Variants in PPL observed in about 807,000 individuals in gnomAD.
PPL encodes periplakin, also known as 190 kDa paraneoplastic pemphigus antigen.
Under a neutral mutation model 194.4 loss-of-function variants are expected in PPL, and 198 were observed. The observed-to-expected ratio is 1.02, with a 90% confidence interval of 0.91 to 1.15. PPL has a LOEUF of 1.15. Among genes scored for constraint, PPL ranks in the 50% most tolerant of loss-of-function variants. PPL has a pLI of 0.00. For synonymous variants in PPL, 1,220 were observed against 972.4 expected (o/e 1.25, Z -4.74); for missense variants, 2,885 against 2,294.8 (o/e 1.26, Z -5.25).
Position 4,894,479 on chromosome 16 carries a change from G to A in PPL, c.1382C>T (p.Ala461Val), listed in dbSNP as rs747457654. Residue 461 changes from alanine to valine, a missense_variant, in exon 12 of 22, where the codon GCT becomes GTT. Ala to Val is a moderately conservative substitution (Grantham distance 64). Coordinates refer to ENST00000345988, the MANE Select transcript of PPL (RefSeq NM_002705.5). ...TTTGCCCTTGTACCTGTCAGCCAGAGCCAGGGCCTCAGGGTCTGTGGGGGG... is the reference window on the plus strand; with the variant it reads ...TTTGCCCTTGTACCTGTCAGCCAGAACCAGGGCCTCAGGGTCTGTGGGGGG... ...VIPPTDPEAL[A>V]LADSLGSQYR... is the part of the protein sequence containing the mutation. 1.3e-5 allele frequency: 21 copies of A among 1,613,862 alleles called. No individual in the cohort carries two copies. The East Asian group carries it at 4.7e-4, about 36-fold the overall frequency.
chr16:4,935,170 C>T (rs1175184208), intron 1 of PPL, among the ~76,000 whole-genome samples: 1 of 152,198 alleles, frequency 6.6e-6, no homozygotes, highest in Non-Finnish European at 1.5e-5. Flanking sequence ...GTCCCTGCAG[C>T]TATAAAGGAT....
At chr16:4,926,893 C>CA (rs906386976) in intron 1 of PPL, among the ~76,000 whole-genome samples, 24 of 110,410 alleles carry the variant, frequency 2.2e-4, no homozygotes, top group South Asian at 5.4e-4. Context: ...AAAAAAAAAA[C>CA]AAAAAAAAAC....
intron 1 of PPL, among the ~76,000 whole-genome samples, chr16:4,916,197 AT>A (rs992237667): frequency 4.0e-5 from 6 of 151,866 alleles, no homozygotes; most frequent in African/African-American, 1.2e-4. Flanking sequence ...ACCCCTACGT[AT>A]TTTTTTTATT....
intron 20 of PPL, among the ~76,000 whole-genome samples, chr16:4,887,892 G>A (rs957571613): frequency 1.3e-5 from 2 of 152,182 alleles, no homozygotes; most frequent in African/African-American, 4.8e-5. Flanking sequence ...CACTGCGCCC[G>A]GCCTTGCTGT....
intron 1 of PPL, among the ~76,000 whole-genome samples, chr16:4,925,862 A>T (rs1391641949): frequency 1.3e-5 from 2 of 152,236 alleles, no homozygotes; most frequent in Admixed American, 6.5e-5. Context: ...CATCGGAGAG[A>T]CAGGATGATG....
intron 2 of PPL, among the ~76,000 whole-genome samples, chr16:4,905,662 G>C (rs960609549): frequency 6.6e-6 from 1 of 152,220 alleles, no homozygotes; most frequent in African/African-American, 2.4e-5. Context: ...ACACAGGGGT[G>C]ACGTGGTGCC....
At chr16:4,889,133 C>A (rs1954776632) in intron 18 of PPL, 72 bp from the exon 19 acceptor site, 12 of 1,161,776 alleles carry the variant, frequency 1.0e-5, no homozygotes, top group African/African-American at 1.5e-5. Context: ...GATGCAGTAG[C>A]TGGAAATCTC....
intron 1 of PPL, among the ~76,000 whole-genome samples, chr16:4,926,398 T>G (rs2089155155): frequency 1.3e-5 from 2 of 152,180 alleles, no homozygotes; most frequent in South Asian, 4.1e-4. Flanking sequence ...CCCAGAGATA[T>G]GAATTGTCCA....
At chr16:4,932,083 G>A (rs1406671898) in intron 1 of PPL, among the ~76,000 whole-genome samples, 2 of 152,190 alleles carry the variant, frequency 1.3e-5, no homozygotes, top group Non-Finnish European at 2.9e-5. Context: ...GAGTGGGGAG[G>A]CCTCATTTGC....
chr16:4,892,407 A>G (rs550877576), intron 14 of PPL, among the ~76,000 whole-genome samples, 194 bp from the exon 15 acceptor site: 1 of 152,268 alleles, frequency 6.6e-6, no homozygotes, highest in African/African-American at 2.4e-5. Context: ...ATCCCAGGGA[A>G]CCGCTGAGGT....
chr16:4,903,094 T>C (rs558324939), intron 3 of PPL, among the ~76,000 whole-genome samples: 1 of 152,324 alleles, frequency 6.6e-6, no homozygotes, highest in Admixed American at 6.5e-5. Flanking sequence ...TCTTGTTTTC[T>C]GGAGTCTGCC....
chr16:4,905,044 T>C (rs1162810195), intron 2 of PPL, among the ~76,000 whole-genome samples: 3 of 152,174 alleles, frequency 2.0e-5, no homozygotes, highest in Non-Finnish European at 4.4e-5. Context: ...GTCTACACCA[T>C]GCTAGGTCCT....
chr16:4,899,261 G>A lies in PPL; in HGVS notation c.730C>T (p.Arg244Cys), dbSNP rs142744864. 37 of 1,613,722 alleles carry A rather than the reference G, an allele frequency of 2.3e-5. No homozygotes were observed. The South Asian group carries it at 2.6e-4, about 11-fold the overall frequency. The change falls in exon 7 of 22, where the codon CGC becomes TGC. Residue 244 changes from arginine to cysteine, a missense_variant. Coordinates refer to ENST00000345988, the MANE Select transcript of PPL (RefSeq NM_002705.5). Reference sequence around the variant, plus strand: ...CGGCGGCTGGGGTAGTCGAGGTTGCGGTCACTCCAGTCGTACTGCATGCGG... The same window carrying A: ...CGGCGGCTGGGGTAGTCGAGGTTGCAGTCACTCCAGTCGTACTGCATGCGG... ...KGRMQYDWSDRNLDYPSRRRQ... is the reference protein window; with the variant it reads ...KGRMQYDWSDCNLDYPSRRRQ...
At chr16:4,901,185 C>G in intron 4 of PPL, 96 bp from the exon 5 acceptor site, 2 of 1,381,982 alleles carry the variant, frequency 1.4e-6, no homozygotes, top group Non-Finnish European at 2.0e-6. Flanking sequence ...CATGATGGTG[C>G]TCTCTTTTTC....
chr16:4,918,553 C>CT (rs1190601800), intron 1 of PPL, among the ~76,000 whole-genome samples: 1 of 152,140 alleles, frequency 6.6e-6, no homozygotes, highest in Non-Finnish European at 1.5e-5. Flanking sequence ...AGGATTACAA[C>CT]TTTAAGTGAG....
At position 4,891,541 on chromosome 16, in the gene PPL, A is replaced by G. The variant is rs1196955829; in HGVS notation, c.1968+270T>C. 3.3e-5 allele frequency: 12 copies of G among 367,310 alleles called. No individual in the cohort carries two copies. The Admixed American group carries it at 5.0e-4, about 15-fold the overall frequency. The allele number at this position is 367,310 out of a possible 1,614,324, so 22.8% of individuals were successfully genotyped here. Reference sequence around the variant, plus strand: ...AAGCAATCCTGCCCCAGCCTCCTGAATGGCTGGTGTTACAGGCATGTGCCA... The same window carrying G: ...AAGCAATCCTGCCCCAGCCTCCTGAGTGGCTGGTGTTACAGGCATGTGCCA... On this transcript the variant is annotated intron_variant, in intron 16 of 21. Transcript: ENST00000345988.
At chr16:4,889,450 G>A (rs1440916891) in intron 18 of PPL, among the ~76,000 whole-genome samples, 1 of 151,102 alleles carries the variant, frequency 6.6e-6, no homozygotes, top group African/African-American at 2.4e-5. Flanking sequence ...GTAGAGATTT[G>A]GTTTCATTAT....
chr16:4,929,538 C>T (rs1002560595), intron 1 of PPL, among the ~76,000 whole-genome samples: 1 of 152,192 alleles, frequency 6.6e-6, no homozygotes, highest in African/African-American at 2.4e-5. Context: ...ACGCATGTCC[C>T]CACCACCACG....
chr16:4,919,308 GAA>G (rs1179594198), intron 1 of PPL, among the ~76,000 whole-genome samples: 2 of 152,238 alleles, frequency 1.3e-5, no homozygotes, highest in Non-Finnish European at 2.9e-5. Context: ...CTGTGTAGGA[GAA>G]AGACTTCAGG....
Sources: gnomAD v4.1 joint callset for allele counts (sites outside exome capture counted in the v4.1 genomes callset) on GRCh38, gnomAD v4.1.1 for gene constraint, MANE v1.5 for transcripts, NCBI Gene and HGNC (gene_info 2026-07-23, HGNC 2026-07-21) for gene names.